Variants in TARS2 observed in about 807,000 individuals in gnomAD.
The protein encoded by TARS2 is threonyl-tRNA synthetase 2, mitochondrial.
A neutral mutation model predicts 94.4 loss-of-function variants in TARS2; 61 were observed. That is an observed-to-expected ratio of 0.65 (90% confidence interval 0.53 to 0.80). The LOEUF (loss-of-function observed/expected upper bound fraction) is 0.80, where lower values mean the gene tolerates loss of function less well. Among genes scored for constraint, TARS2 ranks in the 30% least tolerant of loss-of-function variants. TARS2 has a pLI of 0.00. For missense variants in TARS2, 704 were observed against 902.5 expected, an observed-to-expected ratio of 0.78 and a Z score of 2.82; for synonymous variants, 359 against 353.4, an observed-to-expected ratio of 1.02 and a Z score of -0.18.
chr1:150,490,799 C>T, intron 4 of TARS2, 74 bp downstream of exon 4: 2 of 1,597,818 alleles, frequency 1.3e-6, no homozygotes, highest in Non-Finnish European at 1.7e-6. Flanking sequence ...CTTGGGCATG[C>T]TCCATTTGGA....
intron 14 of TARS2, 22 bp from the exon 15 acceptor site, chr1:150,504,609 AC>A (rs397690784): frequency 1.7e-4 from 263 of 1,580,820 alleles, no homozygotes; most frequent in East Asian, 1.2e-3. Flanking sequence ...CATTCCATCC[AC>A]CCCCCCCTTT....
intron 17 of TARS2, 45 bp from the exon 18 acceptor site, chr1:150,506,871 G>T: frequency 6.2e-7 from 1 of 1,611,574 alleles, no homozygotes; most frequent in Non-Finnish European, 8.5e-7. Flanking sequence ...ACTGTTCCAT[G>T]TGGGTGAATT....
intron 7 of TARS2, among the ~76,000 whole-genome samples, chr1:150,493,725 C>T (rs1669509146): frequency 6.6e-6 from 1 of 151,222 alleles, no homozygotes; most frequent in African/African-American, 2.4e-5. Flanking sequence ...TGCACTCTAG[C>T]CTGGGCAACA....
chr1:150,493,319 G>A (rs983699272), intron 7 of TARS2, among the ~76,000 whole-genome samples: 1 of 152,118 alleles, frequency 6.6e-6, no homozygotes, highest in African/African-American at 2.4e-5. Flanking sequence ...TAAGGGGGGT[G>A]GAGGGGTGGA....
In TARS2 at chr1:150,497,556, C is replaced by T. The variant is rs745997536; in HGVS notation, c.1047C>T (p.Ser349=). 1.4e-5 allele frequency: 22 copies of T among 1,613,944 alleles called. No homozygotes were observed. In the East Asian group the frequency reaches 2.2e-4, roughly 16 times the overall value. Residue 349 remains serine (S), a synonymous_variant, in exon 10 of 18, where the codon TCC becomes TCT. Transcript: ENST00000369064. ...CTGAGTATGCCCATCGTGGTTTCTCCGAGGTGAAAACTCCCACACTGTTTT... is the reference window on the plus strand; with the variant it reads ...CTGAGTATGCCCATCGTGGTTTCTCTGAGGTGAAAACTCCCACACTGTTTT... ...IRAEYAHRGF[S]EVKTPTLFST... is the part of the protein sequence containing the mutation.
intron 13 of TARS2, 130 bp from the exon 14 acceptor site, chr1:150,504,205 A>C: frequency 1.3e-6 from 1 of 769,182 alleles, no homozygotes; most frequent in Non-Finnish European, 2.2e-6. Context: ...TGATAGAGCT[A>C]GGTGACATGA....
At position 150,506,969 on chromosome 1, in the gene TARS2, A is replaced by G; in HGVS notation, c.2062A>G (p.Asn688Asp). Residue 688 changes from asparagine (N) to aspartate (D), a missense_variant, in exon 18 of 18, where the codon AAT becomes GAT. Transcript: ENST00000369064. ...AACAGTGAACATTCGGACTCGAGAT[A>G]ATCGTCGCCTTGGGGAGTGGGACTT... ...KRTVNIRTRD[N>D]RRLGEWDLPE... is the part of the protein sequence containing the mutation. 1 of 1,614,182 alleles carries G rather than the reference A, an allele frequency of 6.2e-7. No individual in the cohort carries two copies. Among genetic ancestry groups the G allele is most frequent in the Non-Finnish European group, 8.5e-7 (1 of 1,180,022 alleles).
intron 13 of TARS2, among the ~76,000 whole-genome samples, chr1:150,500,447 G>A (rs1220813698): frequency 3.9e-5 from 6 of 151,926 alleles, no homozygotes; most frequent in East Asian, 1.9e-4. Context: ...AAAATTGGCC[G>A]GGTGAGGTGT....
At chr1:150,500,872 G>A (rs1669882663) in intron 13 of TARS2, among the ~76,000 whole-genome samples, 2 of 152,130 alleles carry the variant, frequency 1.3e-5, no homozygotes, top group South Asian at 4.1e-4. Flanking sequence ...ATGATGAGAG[G>A]AAGTCTATTT....
At chr1:150,504,018 AT>A (rs1392636311) in intron 13 of TARS2, among the ~76,000 whole-genome samples, 1 of 151,942 alleles carries the variant, frequency 6.6e-6, no homozygotes, top group Non-Finnish European at 1.5e-5. Flanking sequence ...AGATGACAGG[AT>A]AAAGGGTGTA....
Position 150,498,953 on chromosome 1 carries a change from T to C in TARS2, c.1458T>C (p.Leu486=). ...TCCTCCGTTCCGTCTATGCCGTTCT[T>C]GGCTTCTCCTTCCGCCTGGCACTGT... ...LDFLRSVYAV[L]GFSFRLALST... Residue 486 remains leucine, a synonymous_variant, in exon 12 of 18, where the codon CTT becomes CTC. Coordinates refer to ENST00000369064, the MANE Select transcript of TARS2 (RefSeq NM_025150.5). 1 of 1,614,214 alleles carries C rather than the reference T, an allele frequency of 6.2e-7. No individual in the cohort carries two copies.
chr1:150,491,775 A>G, intron 6 of TARS2, 113 bp downstream of exon 6: 1 of 1,136,202 alleles, frequency 8.8e-7, no homozygotes, highest in Non-Finnish European at 1.3e-6. Flanking sequence ...CAGAAAAAGA[A>G]ATGGGAATGG....
chr1:150,493,479 C>T (rs904441835), intron 7 of TARS2, among the ~76,000 whole-genome samples: 12 of 152,266 alleles, frequency 7.9e-5, no homozygotes, highest in Admixed American at 6.5e-4. Flanking sequence ...TACCGTTCTG[C>T]ATGGTGGCTC....
At chr1:150,499,365 A>T in intron 13 of TARS2, 72 bp downstream of exon 13, 1 of 1,461,026 alleles carries the variant, frequency 6.8e-7, no homozygotes, top group Non-Finnish European at 9.3e-7. Flanking sequence ...TTTAATAGAT[A>T]CAAAGAATTT....
At chr1:150,499,418 C>A in intron 13 of TARS2, 125 bp downstream of exon 13, 1 of 889,326 alleles carries the variant, frequency 1.1e-6, no homozygotes, top group Non-Finnish European at 1.7e-6. Context: ...GGCTAAAATG[C>A]AGTGGTGTGA....
intron 13 of TARS2, among the ~76,000 whole-genome samples, chr1:150,501,348 C>T (rs1669910994): frequency 1.6e-5 from 2 of 121,880 alleles, no homozygotes; most frequent in South Asian, 2.9e-4. Flanking sequence ...GACTATGTCT[C>T]GCTCTGCTGC....
At chr1:150,506,484 GCGCACACACACA>G (rs1265277636) in intron 17 of TARS2, among the ~76,000 whole-genome samples, 2 of 93,444 alleles carry the variant, frequency 2.1e-5, no homozygotes, top group African/African-American at 4.0e-5. Flanking sequence ...AGACACGCGC[GCGCACACACACA>G]CACACACACA....
At chr1:150,501,443 G>A (rs1197579198) in intron 13 of TARS2, among the ~76,000 whole-genome samples, 2 of 145,298 alleles carry the variant, frequency 1.4e-5, no homozygotes, top group Non-Finnish European at 3.0e-5. Context: ...TCAGCCTCCC[G>A]AGTAGCTGGG....
At chr1:150,494,940 G>C (rs960308211) in intron 7 of TARS2, among the ~76,000 whole-genome samples, 1 of 152,278 alleles carries the variant, frequency 6.6e-6, no homozygotes, top group Admixed American at 6.5e-5. Context: ...CCATCACTTT[G>C]GGAGGCTGAG....
Sources: allele counts gnomAD v4.1 joint callset (sites outside exome capture counted in the v4.1 genomes callset), GRCh38; gene constraint gnomAD v4.1.1; transcripts MANE v1.5; gene names NCBI Gene and HGNC (gene_info 2026-07-23, HGNC 2026-07-21).